Variants in HMCN1 observed in about 807,000 individuals in gnomAD.
HMCN1 encodes hemicentin-1.
A neutral mutation model predicts 625.9 loss-of-function variants in HMCN1; 321 were observed. The ratio of observed to expected loss-of-function variants is 0.51; its 90% CI spans 0.47 to 0.56. The LOEUF (loss-of-function observed/expected upper bound fraction) is 0.56. Among genes scored for constraint, HMCN1 ranks in the 20% least tolerant of loss-of-function variants. The pLI, the probability that HMCN1 is intolerant of heterozygous loss-of-function variation, is 0.00. For missense variants in HMCN1, 6,588 were observed against 6,887.3 expected, an observed-to-expected ratio of 0.96 and a Z score of 1.54; for synonymous variants, 2,425 against 2,417.6, an observed-to-expected ratio of 1.00 and a Z score of -0.09.
In HMCN1 at chr1:185,845,931, A is replaced by G. The variant is rs41317459; in HGVS notation, c.269-95A>G. On this transcript the variant is annotated intron_variant, in intron 1 of 106. Transcript: ENST00000271588. ...TACTATTTCTTATTAATAAGTAACCATGTACTGCAAGGTGAAAAGACATCT... is the reference window on the plus strand; with the variant it reads ...TACTATTTCTTATTAATAAGTAACCGTGTACTGCAAGGTGAAAAGACATCT... The G allele has an allele frequency of 9.3e-3, 7,214 of 773,150 alleles. 391 individuals carry two copies. In the African/African-American group the frequency reaches 0.11, roughly 12 times the overall value. 47.9% of individuals were successfully genotyped at this position (773,150 alleles called of 1,614,324 possible).
intron 1 of HMCN1, among the ~76,000 whole-genome samples, chr1:185,834,350 C>G (rs1009194943): frequency 6.6e-6 from 1 of 152,184 alleles, no homozygotes; most frequent in African/African-American, 2.4e-5. Context: ...CTGATTGGAC[C>G]TTGTGGTCCT....
At chr1:186,002,929 G>A (rs1367956362) in intron 28 of HMCN1, among the ~76,000 whole-genome samples, 1 of 151,978 alleles carries the variant, frequency 6.6e-6, no homozygotes, top group Non-Finnish European at 1.5e-5. Flanking sequence ...CTAATTCTTT[G>A]GTGATCTACT....
chr1:186,038,865 G>T lies in HMCN1; in HGVS notation c.5888G>T (p.Gly1963Val), dbSNP rs144649977. 4,211 of 1,604,792 alleles carry T rather than the reference G, an allele frequency of 2.6e-3. 112 individuals are homozygous for T. The South Asian group carries it at 0.036, about 14-fold the overall frequency. Reference sequence around the variant, plus strand: ...TACAAAGATAATCGTCTACTCTCAGGTTCCACCAGCATGACTTTCTTGAAC... The same window carrying T: ...TACAAAGATAATCGTCTACTCTCAGTTTCCACCAGCATGACTTTCTTGAAC... ...TWYKDNRLLS[G>V]STSMTFLNRG... The change falls in exon 38 of 107, where the codon GGT (glycine) becomes GTT (valine). Residue 1963 changes from glycine to valine, a missense_variant. Transcript: ENST00000271588.
chr1:186,127,616 G>A (rs534775760), intron 82 of HMCN1, among the ~76,000 whole-genome samples: 9 of 152,238 alleles, frequency 5.9e-5, no homozygotes, highest in South Asian at 2.1e-4. Flanking sequence ...TGAGTGATGA[G>A]AGCTGGCCGT....
intron 10 of HMCN1, 31 bp downstream of exon 10, chr1:185,928,698 C>T: frequency 6.2e-7 from 1 of 1,609,186 alleles, no homozygotes; most frequent in Non-Finnish European, 8.5e-7. Flanking sequence ...TGCAGTTGCC[C>T]AAGTATTAAT....
intron 63 of HMCN1, among the ~76,000 whole-genome samples, chr1:186,089,271 C>T (rs181784973): frequency 1.3e-5 from 2 of 152,058 alleles, no homozygotes; most frequent in East Asian, 3.9e-4. Flanking sequence ...GCAGGGACAA[C>T]TTGTTTTCTT....
intron 2 of HMCN1, among the ~76,000 whole-genome samples, chr1:185,858,062 G>T (rs1296179065): frequency 6.6e-6 from 1 of 152,104 alleles, no homozygotes; most frequent in Non-Finnish European, 1.5e-5. Flanking sequence ...TCAAATCTCT[G>T]CTTTTTCACT....
At chr1:185,801,301 C>T (rs150414538) in intron 1 of HMCN1, among the ~76,000 whole-genome samples, 159 of 152,230 alleles carry the variant, frequency 1.0e-3, no homozygotes, top group African/African-American at 3.6e-3. Flanking sequence ...AATAAGTGCT[C>T]TGGAAAAAAA....
chr1:185,807,824 G>A (rs1034694400), intron 1 of HMCN1, among the ~76,000 whole-genome samples: 2 of 152,066 alleles, frequency 1.3e-5, no homozygotes, highest in African/African-American at 4.8e-5. Flanking sequence ...AACAAATTAA[G>A]TGGTGTAACT....
chr1:185,915,081 A>G (rs184592090), intron 6 of HMCN1, among the ~76,000 whole-genome samples: 116 of 152,076 alleles, frequency 7.6e-4, no homozygotes, highest in Non-Finnish European at 1.3e-3. Context: ...TAAGTACTTT[A>G]CTGTTCCATC....
At chr1:185,810,457 G>T (rs1183519719) in intron 1 of HMCN1, among the ~76,000 whole-genome samples, 1 of 152,112 alleles carries the variant, frequency 6.6e-6, no homozygotes, top group East Asian at 1.9e-4. Flanking sequence ...TATAAGAAAA[G>T]CTGCATGAAT....
rs554128079 is a variant in HMCN1, at chr1:186,153,036, G to A, written c.15018+165G>A. On this transcript the variant is annotated intron_variant, in intron 96 of 106. Transcript: ENST00000271588. ...TTTGTTTAAAAATCTTCAGGGACAA[G>A]TTTTTACAAACTCTCTTAATGGTTT... Among the ~76,000 whole-genome samples the A allele has an allele frequency of 2.0e-5, 3 of 152,296 alleles. No homozygotes were observed. In the South Asian group the frequency reaches 6.2e-4, roughly 32 times the overall value.
At chr1:185,951,384 C>T (rs1164246997) in intron 11 of HMCN1, among the ~76,000 whole-genome samples, 1 of 151,622 alleles carries the variant, frequency 6.6e-6, no homozygotes, top group Non-Finnish European at 1.5e-5. Context: ...GCCGTCAATA[C>T]CCACAACAGT....
intron 103 of HMCN1, among the ~76,000 whole-genome samples, chr1:186,176,011 AT>A (rs1437915704): frequency 6.6e-6 from 1 of 152,120 alleles, no homozygotes; most frequent in Non-Finnish European, 1.5e-5. Context: ...AAAATTTACT[AT>A]TTTATTCTAC....
chr1:186,177,766 A>G (rs1652691213), intron 103 of HMCN1, among the ~76,000 whole-genome samples: 1 of 148,538 alleles, frequency 6.7e-6, no homozygotes, highest in Non-Finnish European at 1.5e-5. Flanking sequence ...AGAAAAAACA[A>G]GAGAGAAATT....
At position 185,792,769 on chromosome 1, in the gene HMCN1, G is replaced by A. The variant is rs78950002; in HGVS notation, c.269-53257G>A. Among the ~76,000 whole-genome samples the A allele has an allele frequency of 1.9e-3, 294 of 152,232 alleles. 2 individuals carry two copies. Among genetic ancestry groups the A allele is most frequent in the African/African-American group, 6.8e-3 (283 of 41,564 alleles). On this transcript the variant is annotated intron_variant, in intron 1 of 106. Coordinates refer to ENST00000271588, the MANE Select transcript of HMCN1 (RefSeq NM_031935.3). ...CTGTACCTCACATTGGTACTTCACG[G>A]TTGAGGCTGCTGTGATATCATCTAC...
intron 2 of HMCN1, among the ~76,000 whole-genome samples, chr1:185,861,190 C>T (rs1336502339): frequency 6.6e-6 from 1 of 152,094 alleles, no homozygotes; most frequent in Non-Finnish European, 1.5e-5. Flanking sequence ...AATTTATACC[C>T]AAGTCAAACG....
intron 4 of HMCN1, among the ~76,000 whole-genome samples, chr1:185,877,727 A>AT (rs955812933): frequency 6.6e-5 from 10 of 151,332 alleles, no homozygotes; most frequent in African/African-American, 1.9e-4. Flanking sequence ...TTGTATGGCT[A>AT]TTTTTTTCCT....
At chr1:186,064,661 T>C (rs1657989502) in intron 48 of HMCN1, among the ~76,000 whole-genome samples, 1 of 151,630 alleles carries the variant, frequency 6.6e-6, no homozygotes, top group Non-Finnish European at 1.5e-5. Context: ...TACAAAAAAA[T>C]TAGCCGGGTG....
Sources: allele counts gnomAD v4.1 joint callset (sites outside exome capture counted in the v4.1 genomes callset), GRCh38; gene constraint gnomAD v4.1.1; transcripts MANE v1.5; gene names NCBI Gene and HGNC (gene_info 2026-07-23, HGNC 2026-07-21).